The following LRRTM4 variants were observed in gnomAD, a reference collection of about 807,000 sequenced individuals.
The protein encoded by LRRTM4 is leucine-rich repeat transmembrane neuronal protein 4.
A neutral mutation model predicts 47.6 loss-of-function variants in LRRTM4; 25 were observed. The observed-to-expected ratio is 0.53, with a 90% CI of 0.38 to 0.73. The LOEUF (loss-of-function observed/expected upper bound fraction) is 0.73. Among genes scored for constraint, LRRTM4 ranks in the 30% least tolerant of loss-of-function variants. LRRTM4 has a pLI of 0.00. For synonymous variants in LRRTM4, 311 were observed against 269.5 expected (o/e 1.15, Z -1.51); for missense variants, 638 against 713.4 (o/e 0.89, Z 1.20).
chr2:77,336,876 A>G (rs1671187363), intron 3 of LRRTM4, among the ~76,000 whole-genome samples: 1 of 152,084 alleles, frequency 6.6e-6, no homozygotes, highest in Admixed American at 6.6e-5. Context: ...CAGAAATCAG[A>G]CGGGACAATG....
At chr2:76,782,889 T>C (rs1253724635) in intron 3 of LRRTM4, among the ~76,000 whole-genome samples, 1 of 152,146 alleles carries the variant, frequency 6.6e-6, no homozygotes, top group Non-Finnish European at 1.5e-5. Flanking sequence ...GGGGAAGTAA[T>C]TTAAATTATA....
rs565161496 is a variant in LRRTM4, at chr2:76,847,435, A to C, written c.1552-98519T>G. Among the ~76,000 whole-genome samples the C allele has an allele frequency of 2.6e-4, 39 of 152,080 alleles. 1 individual carries two copies. The South Asian group carries it at 6.4e-3, about 25-fold the overall frequency. ...TTTTTCATGAGCCAATGACTTTCCT[A>C]TTTGTCATCTTCTCTTCTTCCTCCA... is the stretch of plus-strand genomic sequence containing the variant. On this transcript the variant is annotated intron_variant, in intron 3 of 3. Coordinates refer to ENST00000409884, the MANE Select transcript of LRRTM4 (RefSeq NM_001134745.3).
intron 3 of LRRTM4, among the ~76,000 whole-genome samples, chr2:76,911,206 C>A (rs144227563): frequency 0.011 from 1,743 of 152,196 alleles, 115 homozygotes; most frequent in Admixed American, 0.1. Context: ...GAAAAGGAAA[C>A]CTTTGACAAG....
intron 3 of LRRTM4, among the ~76,000 whole-genome samples, chr2:77,388,717 C>G (rs998538789): frequency 6.6e-6 from 1 of 151,664 alleles, no homozygotes; most frequent in African/African-American, 2.4e-5. Flanking sequence ...AAGTCTTGAC[C>G]ATCTTTTCCA....
intron 3 of LRRTM4, among the ~76,000 whole-genome samples, chr2:77,063,547 T>C (rs757753722): frequency 6.6e-5 from 10 of 152,170 alleles, no homozygotes; most frequent in Non-Finnish European, 1.5e-4. Context: ...CAACAGAAGA[T>C]ACATGTGTAG....
intron 3 of LRRTM4, among the ~76,000 whole-genome samples, chr2:77,324,732 A>G (rs994085811): frequency 1.3e-5 from 2 of 152,232 alleles, no homozygotes; most frequent in Non-Finnish European, 2.9e-5. Flanking sequence ...GATACGTCCC[A>G]AGATTCTTAA....
intron 3 of LRRTM4, among the ~76,000 whole-genome samples, chr2:77,325,205 A>G (rs190105752): frequency 3.9e-5 from 6 of 152,296 alleles, no homozygotes; most frequent in Middle Eastern, 3.4e-3. Flanking sequence ...AATATTTTCT[A>G]TATCCAAATC....
At chr2:77,025,357 C>A (rs1044392519) in intron 3 of LRRTM4, among the ~76,000 whole-genome samples, 1 of 152,170 alleles carries the variant, frequency 6.6e-6, no homozygotes, top group Non-Finnish European at 1.5e-5. Flanking sequence ...CTAGGTCCTT[C>A]TATTCCTAAT....
intron 3 of LRRTM4, among the ~76,000 whole-genome samples, chr2:77,129,057 T>A (rs1671727312): frequency 6.6e-6 from 1 of 152,248 alleles, no homozygotes; most frequent in African/African-American, 2.4e-5. Flanking sequence ...AATCAAATAA[T>A]ACACATTTTT....
At chr2:76,788,314 T>A (rs534613861) in intron 3 of LRRTM4, among the ~76,000 whole-genome samples, 189 of 152,298 alleles carry the variant, frequency 1.2e-3, no homozygotes, top group Non-Finnish European at 2.4e-3. Flanking sequence ...AGTCACATAG[T>A]CACATTATTT....
chr2:77,500,504 TATC>T (rs750547929), intron 3 of LRRTM4, among the ~76,000 whole-genome samples: 194 of 139,794 alleles, frequency 1.4e-3, no homozygotes, highest in Non-Finnish European at 1.5e-3. Context: ...AAAGAAAACT[TATC>T]ATATTCATAT....
Position 77,093,423 on chromosome 2 carries a change from G to C in LRRTM4, c.1552-344507C>G, listed in dbSNP as rs369042521. Among the ~76,000 whole-genome samples, 753 of 149,382 alleles carry C rather than the reference G, an allele frequency of 5.0e-3. 3 individuals are homozygous for C. Among genetic ancestry groups the C allele is most frequent in the African/African-American group, 0.011 (410 of 38,956 alleles). On this transcript the variant is annotated intron_variant, in intron 3 of 3. Coordinates refer to ENST00000409884, the MANE Select transcript of LRRTM4 (RefSeq NM_001134745.3). ...TCATCCAAAACCGTATCCAGGCCATGACCAATCATTCTATACGACAAATGT... is the reference window on the plus strand; with the variant it reads ...TCATCCAAAACCGTATCCAGGCCATCACCAATCATTCTATACGACAAATGT...
chr2:77,516,025 T>G (rs2104116150), intron 3 of LRRTM4, among the ~76,000 whole-genome samples: 1 of 151,954 alleles, frequency 6.6e-6, no homozygotes, highest in East Asian at 1.9e-4. Context: ...AATATAGTTT[T>G]ATAGCACCCC....
chr2:77,366,005 C>T (rs1672437673), intron 3 of LRRTM4, among the ~76,000 whole-genome samples: 1 of 150,726 alleles, frequency 6.6e-6, no homozygotes. Context: ...TAATTATAGA[C>T]ACTTGATAGA....
intron 3 of LRRTM4, among the ~76,000 whole-genome samples, chr2:77,111,073 T>C (rs1014658152): frequency 2.6e-5 from 4 of 152,118 alleles, no homozygotes; most frequent in Non-Finnish European, 4.4e-5. Flanking sequence ...GATTGGCTCA[T>C]GAGTGAAAGG....
chr2:76,994,227 C>T lies in LRRTM4; in HGVS notation c.1552-245311G>A, dbSNP rs566623196. Among the ~76,000 whole-genome samples the T allele has an allele frequency of 4.6e-5, 7 of 151,590 alleles. No homozygotes were observed. In the South Asian group the frequency reaches 8.3e-4, roughly 18 times the overall value. ...ACGTCAGTATCATACAATATACACACGTAACAAACCTGCACATGTATCCCC... is the reference window on the plus strand; with the variant it reads ...ACGTCAGTATCATACAATATACACATGTAACAAACCTGCACATGTATCCCC... On this transcript the variant is annotated intron_variant, in intron 3 of 3. Transcript: ENST00000409884.
intron 3 of LRRTM4, among the ~76,000 whole-genome samples, chr2:76,813,581 G>C (rs772313197): frequency 6.6e-6 from 1 of 151,570 alleles, no homozygotes; most frequent in African/African-American, 2.4e-5. Context: ...AAATTCATGC[G>C]AACAGTAAAA....
chr2:77,263,821 G>A (rs1301417738), intron 3 of LRRTM4, among the ~76,000 whole-genome samples: 1 of 151,816 alleles, frequency 6.6e-6, no homozygotes, highest in Non-Finnish European at 1.5e-5. Context: ...AAAGTTACTT[G>A]CTTGTATGTT....
chr2:76,981,971 G>A (rs923264415), intron 3 of LRRTM4, among the ~76,000 whole-genome samples: 7 of 152,058 alleles, frequency 4.6e-5, no homozygotes, highest in East Asian at 3.9e-4. Context: ...AAACTGCCTC[G>A]GAGAAGGTTT....
Sources: gnomAD v4.1 joint callset for allele counts (sites outside exome capture counted in the v4.1 genomes callset) on GRCh38, gnomAD v4.1.1 for gene constraint, MANE v1.5 for transcripts, NCBI Gene and HGNC (gene_info 2026-07-23, HGNC 2026-07-21) for gene names.